DLG2: variants seen among roughly 807,000 people sequenced by gnomAD.
DLG2 encodes disks large homolog 2.
A neutral mutation model predicts 132.5 loss-of-function variants in DLG2; 45 were observed. The observed-to-expected ratio is 0.34, with a 90% CI of 0.27 to 0.44. The LOEUF (loss-of-function observed/expected upper bound fraction) is 0.44. Ranked by LOEUF, DLG2 falls within the 20% of genes least tolerant of loss-of-function variation. The pLI is 1.00. For synonymous variants in DLG2, 424 were observed against 419.6 expected, an observed-to-expected ratio of 1.01 and a Z score of -0.13; for missense variants, 1,045 against 1,196.9, an observed-to-expected ratio of 0.87 and a Z score of 1.87.
At chr11:85,299,421 T>A (rs184842651) in intron 3 of DLG2, among the ~76,000 whole-genome samples, 5 of 152,294 alleles carry the variant, frequency 3.3e-5, no homozygotes, top group Admixed American at 6.5e-5. Context: ...TCTTGTCACC[T>A]AGGATGTTTT....
At chr11:84,536,657 A>G (rs1323484310) in intron 6 of DLG2, among the ~76,000 whole-genome samples, 3 of 152,154 alleles carry the variant, frequency 2.0e-5, no homozygotes, top group Non-Finnish European at 4.4e-5. Context: ...CGTCTGCTCC[A>G]CATTTTTGAT....
intron 17 of DLG2, among the ~76,000 whole-genome samples, chr11:83,826,286 G>A (rs78377771): frequency 0.034 from 5,203 of 152,244 alleles, 315 homozygotes; most frequent in African/African-American, 0.12. Context: ...AGGAGGTACA[G>A]CCTGGCTAGT....
intron 17 of DLG2, among the ~76,000 whole-genome samples, chr11:83,789,289 T>C (rs1594401636): frequency 1.3e-5 from 2 of 149,140 alleles, no homozygotes; most frequent in East Asian, 3.9e-4. Context: ...ACACTATCTT[T>C]TGAAAATGGG....
chr11:85,201,945 G>GA (rs1258041755), intron 4 of DLG2, among the ~76,000 whole-genome samples: 1 of 151,660 alleles, frequency 6.6e-6, no homozygotes, highest in Admixed American at 6.6e-5. Flanking sequence ...TGAATGAAAT[G>GA]AAAAATGTAA....
At chr11:85,359,264 G>A (rs891302056) in intron 3 of DLG2, among the ~76,000 whole-genome samples, 2 of 152,136 alleles carry the variant, frequency 1.3e-5, no homozygotes, top group African/African-American at 4.8e-5. Flanking sequence ...GAAGCAATCC[G>A]CTTCATTCAA....
intron 6 of DLG2, among the ~76,000 whole-genome samples, chr11:84,670,979 T>C (rs1430823334): frequency 6.6e-6 from 1 of 152,174 alleles, no homozygotes; most frequent in Non-Finnish European, 1.5e-5. Flanking sequence ...TTACAACCTC[T>C]TGCAGCAGCA....
intron 19 of DLG2, among the ~76,000 whole-genome samples, chr11:83,556,377 T>C (rs1283194792): frequency 8.8e-6 from 1 of 113,802 alleles, no homozygotes; most frequent in African/African-American, 3.7e-5. Context: ...CCTTTTTCTT[T>C]CTTTTTTTTT....
intron 6 of DLG2, among the ~76,000 whole-genome samples, chr11:84,542,128 TGA>T (rs59128357): frequency 9.5e-4 from 140 of 146,780 alleles, no homozygotes; most frequent in African/African-American, 1.3e-3. Flanking sequence ...ACAGTACTGA[TGA>T]GAGAGAGAGA....
chr11:84,295,430 CT>C (rs1283223944), intron 7 of DLG2, among the ~76,000 whole-genome samples: 1 of 152,108 alleles, frequency 6.6e-6, no homozygotes, highest in Non-Finnish European at 1.5e-5. Context: ...CAGGCTGCCA[CT>C]TTTTTCTTTC....
intron 6 of DLG2, among the ~76,000 whole-genome samples, chr11:84,742,406 G>T (rs2064802500): frequency 6.6e-6 from 1 of 152,146 alleles, no homozygotes; most frequent in South Asian, 2.1e-4. Context: ...CAAGAGAAAA[G>T]TGTCAAGTCA....
chr11:84,782,634 G>A (rs1285233070), intron 6 of DLG2, among the ~76,000 whole-genome samples: 1 of 152,114 alleles, frequency 6.6e-6, no homozygotes. Context: ...CCACCTATGA[G>A]AACTTGAATA....
At chr11:83,465,783 C>T (rs193024035) in intron 26 of DLG2, among the ~76,000 whole-genome samples, 45 of 152,220 alleles carry the variant, frequency 3.0e-4, no homozygotes, top group African/African-American at 9.9e-4. Context: ...TGCCTCGTTT[C>T]GAGGTGAGGA....
chr11:84,334,702 T>C (rs2098475851), intron 7 of DLG2, among the ~76,000 whole-genome samples: 1 of 152,222 alleles, frequency 6.6e-6, no homozygotes, highest in Non-Finnish European at 1.5e-5. Context: ...AGCTAGATAT[T>C]GTCCCTGCCC....
At chr11:85,099,166 G>A (rs1237140840) in intron 6 of DLG2, among the ~76,000 whole-genome samples, 2 of 152,226 alleles carry the variant, frequency 1.3e-5, no homozygotes, top group African/African-American at 4.8e-5. Context: ...CTGCGTAGCT[G>A]GAGGCTGCTT....
At chr11:84,033,207 T>C (rs1310339003) in intron 11 of DLG2, among the ~76,000 whole-genome samples, 1 of 152,218 alleles carries the variant, frequency 6.6e-6, no homozygotes, top group Admixed American at 6.5e-5. Flanking sequence ...CTCTGATGCA[T>C]CTGAGTAAAG....
At chr11:85,249,938 T>C (rs966957737) in intron 4 of DLG2, among the ~76,000 whole-genome samples, 1 of 151,754 alleles carries the variant, frequency 6.6e-6, no homozygotes, top group African/African-American at 2.4e-5. Flanking sequence ...TAAAAGAAAA[T>C]AAAAAGAAGA....
At chr11:83,840,373 C>A (rs547737077) in intron 16 of DLG2, among the ~76,000 whole-genome samples, 1 of 152,182 alleles carries the variant, frequency 6.6e-6, no homozygotes, top group African/African-American at 2.4e-5. Context: ...TAAACTCCCA[C>A]AGTGATTAAG....
chr11:83,920,036 T>C (rs1028068367), intron 15 of DLG2, among the ~76,000 whole-genome samples: 3 of 152,184 alleles, frequency 2.0e-5, no homozygotes, highest in Admixed American at 6.6e-5. Flanking sequence ...GTCTGAATGC[T>C]GTTCACCATG....
chr11:84,076,128 T>C (rs1455887270), intron 10 of DLG2, among the ~76,000 whole-genome samples: 1 of 152,228 alleles, frequency 6.6e-6, no homozygotes, highest in African/African-American at 2.4e-5. Context: ...TGTCAGTCAT[T>C]CATATTTGAT....
Sources: allele counts gnomAD v4.1 joint callset (sites outside exome capture counted in the v4.1 genomes callset), GRCh38; gene constraint gnomAD v4.1.1; transcripts MANE v1.5; gene names NCBI Gene and HGNC (gene_info 2026-07-23, HGNC 2026-07-21).